RABGAP1L: variants seen among roughly 807,000 people sequenced by gnomAD.
RABGAP1L encodes the protein rab GTPase-activating protein 1-like.
A neutral mutation model predicts 137.7 loss-of-function variants in RABGAP1L; 63 were observed. The observed-to-expected ratio is 0.46, with a 90% CI of 0.37 to 0.56. The LOEUF is 0.56. Among genes scored for constraint, RABGAP1L ranks in the 20% least tolerant of loss-of-function variants. RABGAP1L has a pLI of 0.00. For synonymous variants in RABGAP1L, 431 were observed against 433.7 expected (o/e 0.99, Z 0.08); for missense variants, 1,095 against 1,244.0 (o/e 0.88, Z 1.80).
chr1:174,470,101 C>T (rs945443949), intron 13 of RABGAP1L, among the ~76,000 whole-genome samples: 3 of 152,106 alleles, frequency 2.0e-5, no homozygotes, highest in African/African-American at 7.2e-5. Flanking sequence ...AATTATTTTA[C>T]CACTTGCACA....
chr1:174,569,209 C>G (rs1667804525), intron 13 of RABGAP1L, among the ~76,000 whole-genome samples: 1 of 152,140 alleles, frequency 6.6e-6, no homozygotes, highest in Non-Finnish European at 1.5e-5. Flanking sequence ...TCTTAATCTC[C>G]TTTGTAGTGA....
intron 1 of RABGAP1L, among the ~76,000 whole-genome samples, chr1:174,192,735 G>A (rs1484098071): frequency 1.3e-5 from 2 of 152,144 alleles, no homozygotes; most frequent in East Asian, 3.9e-4. Context: ...TTACAGTATT[G>A]CACTCCTAGC....
intron 13 of RABGAP1L, among the ~76,000 whole-genome samples, chr1:174,527,114 T>C (rs2147869638): frequency 6.6e-6 from 1 of 152,256 alleles, no homozygotes; most frequent in South Asian, 2.1e-4. Context: ...TTGTTCAACA[T>C]CCCTGAATCT....
chr1:174,862,761 A>G (rs1223488360), intron 19 of RABGAP1L, among the ~76,000 whole-genome samples: 1 of 152,076 alleles, frequency 6.6e-6, no homozygotes. Flanking sequence ...TAAATAACTA[A>G]TAGACCTAGG....
chr1:174,974,699 T>G (rs949811136), intron 21 of RABGAP1L, among the ~76,000 whole-genome samples: 1 of 152,184 alleles, frequency 6.6e-6, no homozygotes, highest in Non-Finnish European at 1.5e-5. Flanking sequence ...CAAACAAAGC[T>G]CTAACCACTG....
At chr1:174,586,359 G>C (rs1210183662) in intron 13 of RABGAP1L, among the ~76,000 whole-genome samples, 4 of 151,840 alleles carry the variant, frequency 2.6e-5, no homozygotes, top group African/African-American at 9.7e-5. Context: ...ATGGACACAG[G>C]GAGGGCAACA....
intron 21 of RABGAP1L, among the ~76,000 whole-genome samples, chr1:174,972,719 C>T (rs75894921): frequency 0.2 from 30,717 of 151,586 alleles, 3,353 homozygotes; most frequent in Admixed American, 0.24. Context: ...CCAGGTGTGG[C>T]GGCATGCGCC....
At chr1:174,371,128 T>C in intron 12 of RABGAP1L, 56 bp downstream of exon 12, 1 of 1,000,742 alleles carries the variant, frequency 1.0e-6, no homozygotes, top group Non-Finnish European at 1.5e-6. Context: ...GATGTTAATT[T>C]GTTGTATTAA....
chr1:174,876,440 C>T (rs2149071210), intron 19 of RABGAP1L, among the ~76,000 whole-genome samples: 1 of 152,236 alleles, frequency 6.6e-6, no homozygotes, highest in Non-Finnish European at 1.5e-5. Flanking sequence ...CTGTCTTCCC[C>T]TTATTTTTAT....
intron 19 of RABGAP1L, among the ~76,000 whole-genome samples, chr1:174,865,750 A>T (rs1573570170): frequency 1.3e-5 from 2 of 152,326 alleles, no homozygotes; most frequent in South Asian, 4.1e-4. Context: ...CCTGGGCAAC[A>T]TAGCAAGAAC....
chr1:174,772,567 C>CA (rs60690186), intron 18 of RABGAP1L, among the ~76,000 whole-genome samples: 812 of 53,058 alleles, frequency 0.015, 65 homozygotes, highest in African/African-American at 0.06. Flanking sequence ...GACTCCATCT[C>CA]AAAAAAAAAA....
At chr1:174,651,509 C>A (rs1675486213) in intron 14 of RABGAP1L, among the ~76,000 whole-genome samples, 3 of 152,132 alleles carry the variant, frequency 2.0e-5, no homozygotes, top group Non-Finnish European at 4.4e-5. Flanking sequence ...CTTTATGAAT[C>A]TGGGTGCTCC....
intron 19 of RABGAP1L, among the ~76,000 whole-genome samples, chr1:174,879,435 A>C (rs1183472754): frequency 6.6e-6 from 1 of 151,730 alleles, no homozygotes; most frequent in Non-Finnish European, 1.5e-5. Context: ...GTATTTCATC[A>C]TGTTGGCCAG....
chr1:174,517,867 T>C (rs1420362164), intron 13 of RABGAP1L, among the ~76,000 whole-genome samples: 2 of 152,238 alleles, frequency 1.3e-5, no homozygotes, highest in Non-Finnish European at 2.9e-5. Context: ...GTTCTTTATA[T>C]ATGCTTGTTA....
At chr1:174,951,151 C>G (rs879786817) in intron 19 of RABGAP1L, among the ~76,000 whole-genome samples, 2 of 152,132 alleles carry the variant, frequency 1.3e-5, no homozygotes, top group Admixed American at 1.3e-4. Flanking sequence ...CATCTTTGTA[C>G]CTTTTATAAA....
At chr1:174,454,692 G>A (rs1434120007) in intron 13 of RABGAP1L, among the ~76,000 whole-genome samples, 1 of 151,638 alleles carries the variant, frequency 6.6e-6, no homozygotes, top group Non-Finnish European at 1.5e-5. Flanking sequence ...TGAGACTACA[G>A]GCGCCCACCA....
chr1:174,851,741 G>A (rs911151372), intron 19 of RABGAP1L, among the ~76,000 whole-genome samples: 12 of 150,886 alleles, frequency 8.0e-5, no homozygotes, highest in Middle Eastern at 3.4e-3. Flanking sequence ...GGCTGGTCTC[G>A]AACTCCTGGG....
chr1:174,435,956 T>C (rs182970347), intron 13 of RABGAP1L, among the ~76,000 whole-genome samples: 1 of 152,178 alleles, frequency 6.6e-6, no homozygotes, highest in African/African-American at 2.4e-5. Context: ...GTTTCCAGCT[T>C]CATCCGTGTC....
chr1:174,532,130 G>A (rs1664459981), intron 13 of RABGAP1L, among the ~76,000 whole-genome samples: 1 of 151,938 alleles, frequency 6.6e-6, no homozygotes, highest in African/African-American at 2.4e-5. Context: ...ATTCCAACTC[G>A]ACAGCTGATT....
Sources: allele counts gnomAD v4.1 joint callset (sites outside exome capture counted in the v4.1 genomes callset), GRCh38; gene constraint gnomAD v4.1.1; transcripts MANE v1.5; gene names NCBI Gene and HGNC (gene_info 2026-07-23, HGNC 2026-07-21).